CCDC7: variants seen among roughly 807,000 people sequenced by gnomAD.
The protein encoded by CCDC7 is coiled-coil domain containing 7.
CCDC7 carries 183 observed loss-of-function variants against 196.9 expected under a neutral mutation model. The ratio of observed to expected loss-of-function variants is 0.93; its 90% CI spans 0.82 to 1.05. The LOEUF is 1.05. Ranked by LOEUF, CCDC7 falls within the 50% of genes least tolerant of loss-of-function variation. The pLI is 0.00. For synonymous variants in CCDC7, 525 were observed against 484.6 expected (o/e 1.08, Z -1.10); for missense variants, 1,540 against 1,482.2 (o/e 1.04, Z -0.64).
At chr10:32,628,057 T>G (rs1053754156) in intron 18 of CCDC7, among the ~76,000 whole-genome samples, 1 of 151,998 alleles carries the variant, frequency 6.6e-6, no homozygotes, top group Non-Finnish European at 1.5e-5. Context: ...TCCCTCATTT[T>G]CAATTTTTTA....
At chr10:32,690,342 G>A (rs1591629766) in intron 23 of CCDC7, among the ~76,000 whole-genome samples, 2 of 152,304 alleles carry the variant, frequency 1.3e-5, no homozygotes, top group East Asian at 1.9e-4. Flanking sequence ...GAGCAGTTTG[G>A]TAGCCTTGTG....
At chr10:32,690,280 C>T (rs1201466971) in intron 23 of CCDC7, among the ~76,000 whole-genome samples, 2 of 152,176 alleles carry the variant, frequency 1.3e-5, no homozygotes, top group Non-Finnish European at 2.9e-5. Flanking sequence ...GGCTAGTCCT[C>T]CCCTTGGGAG....
intron 20 of CCDC7, among the ~76,000 whole-genome samples, chr10:32,661,834 G>T (rs1446341139): frequency 2.6e-5 from 4 of 152,174 alleles, no homozygotes; most frequent in African/African-American, 9.7e-5. Flanking sequence ...TGCACTGCCT[G>T]GGTTTGGAGT....
intron 11 of CCDC7, among the ~76,000 whole-genome samples, chr10:32,532,667 T>G (rs902421352): frequency 2.0e-5 from 3 of 152,174 alleles, no homozygotes; most frequent in Admixed American, 6.5e-5. Context: ...TGTTGTTGGA[T>G]GCACAGATAT....
intron 23 of CCDC7, among the ~76,000 whole-genome samples, chr10:32,691,179 G>A (rs2077037834): frequency 6.6e-6 from 1 of 152,204 alleles, no homozygotes; most frequent in Non-Finnish European, 1.5e-5. Context: ...AGCAAAAGTA[G>A]TGGAGGGTTC....
chr10:32,873,139 A>G (rs1026896366), intron 41 of CCDC7, among the ~76,000 whole-genome samples: 2 of 152,164 alleles, frequency 1.3e-5, no homozygotes, highest in African/African-American at 4.8e-5. Context: ...GTGTTTTCCA[A>G]CTTGGTTCCA....
chr10:32,724,654 A>G (rs1260630309), intron 25 of CCDC7, among the ~76,000 whole-genome samples: 1 of 152,104 alleles, frequency 6.6e-6, no homozygotes, highest in Admixed American at 6.6e-5. Flanking sequence ...GTGGAAAAGT[A>G]CTGAACACTG....
intron 41 of CCDC7, among the ~76,000 whole-genome samples, chr10:32,869,029 AC>A (rs2094322827): frequency 6.6e-6 from 1 of 152,138 alleles, no homozygotes; most frequent in Admixed American, 6.5e-5. Flanking sequence ...CAATAAACAT[AC>A]GCGTGCATGT....
chr10:32,795,624 G>A (rs937948453), intron 29 of CCDC7, among the ~76,000 whole-genome samples: 1 of 152,054 alleles, frequency 6.6e-6, no homozygotes, highest in Non-Finnish European at 1.5e-5. Context: ...ATTTATTGGG[G>A]ATGTATTCCT....
At chr10:32,737,823 A>G (rs926534133) in intron 28 of CCDC7, among the ~76,000 whole-genome samples, 2 of 152,130 alleles carry the variant, frequency 1.3e-5, no homozygotes, top group South Asian at 4.1e-4. Context: ...ACATTGTCTC[A>G]AATTAATATA....
At chr10:32,743,778 G>A (rs1390724469) in intron 28 of CCDC7, among the ~76,000 whole-genome samples, 2 of 151,994 alleles carry the variant, frequency 1.3e-5, no homozygotes, top group African/African-American at 2.4e-5. Flanking sequence ...AGAAAATGTG[G>A]CACATATACA....
chr10:32,774,290 CT>C (rs764117469), intron 28 of CCDC7, among the ~76,000 whole-genome samples: 3,244 of 145,090 alleles, frequency 0.022, 58 homozygotes, highest in African/African-American at 0.055. Context: ...GAACCTTCCC[CT>C]TTTTTTTTTT....
intron 20 of CCDC7, among the ~76,000 whole-genome samples, chr10:32,643,041 A>G (rs558543951): frequency 7.4e-4 from 113 of 152,340 alleles, no homozygotes; most frequent in African/African-American, 2.6e-3. Context: ...AAATTGTGCT[A>G]TTTAAAGTAG....
chr10:32,702,404 T>G (rs1166832800), intron 24 of CCDC7, among the ~76,000 whole-genome samples: 1 of 152,222 alleles, frequency 6.6e-6, no homozygotes, highest in East Asian at 1.9e-4. Context: ...ATAATTTCTT[T>G]GCTTTTACAT....
intron 6 of CCDC7, 87 bp downstream of exon 7, chr10:32,471,317 T>C (rs2037901524): frequency 6.8e-7 from 1 of 1,463,036 alleles, no homozygotes; most frequent in Non-Finnish European, 9.2e-7. Context: ...GGGTCAGATA[T>C]GATGGCTATA....
chr10:32,579,505 G>A (rs1185385498), intron 16 of CCDC7, among the ~76,000 whole-genome samples: 1 of 152,094 alleles, frequency 6.6e-6, no homozygotes, highest in African/African-American at 2.4e-5. Context: ...ACAGCAAACA[G>A]TATTAATATA....
intron 15 of CCDC7, among the ~76,000 whole-genome samples, chr10:32,570,170 C>T (rs1203181144): frequency 2.0e-5 from 3 of 152,156 alleles, no homozygotes; most frequent in South Asian, 2.1e-4. Flanking sequence ...CTTCTCAGAC[C>T]TGCTTTATCT....
At chr10:32,628,870 A>G (rs575238710) in intron 18 of CCDC7, among the ~76,000 whole-genome samples, 55 of 152,202 alleles carry the variant, frequency 3.6e-4, no homozygotes, top group African/African-American at 1.2e-3. Context: ...AAGATATTTG[A>G]TATGATTTCA....
At chr10:32,606,592 G>A (rs1456402022) in intron 18 of CCDC7, among the ~76,000 whole-genome samples, 1 of 152,226 alleles carries the variant, frequency 6.6e-6, no homozygotes, top group Non-Finnish European at 1.5e-5. Flanking sequence ...GTATGCCCTG[G>A]ATTTGGGACA....
Sources: allele counts gnomAD v4.1 joint callset (sites outside exome capture counted in the v4.1 genomes callset), GRCh38; gene constraint gnomAD v4.1.1; transcripts MANE v1.5; gene names NCBI Gene and HGNC (gene_info 2026-07-23, HGNC 2026-07-21).